ATOSA: variants seen among roughly 807,000 people sequenced by gnomAD.
ATOSA encodes atos homolog protein A.
the ATOSA span, among the ~76,000 whole-genome samples, chr15:52,664,921 G>A: frequency 1.4e-5 from 2 of 146,994 alleles, no homozygotes; most frequent in Non-Finnish European, 1.5e-5. Context: ...TTGGGCAACA[G>A]AGGAAACCCT....
chr15:52,603,128 A>G, the ATOSA span, among the ~76,000 whole-genome samples: 59 of 152,344 alleles, frequency 3.9e-4, no homozygotes, highest in Non-Finnish European at 7.1e-4. Flanking sequence ...CCTCTTAGGT[A>G]GGTCAAACAT....
chr15:52,643,750 T>C, the ATOSA span, among the ~76,000 whole-genome samples: 1 of 152,018 alleles, frequency 6.6e-6, no homozygotes, highest in Non-Finnish European at 1.5e-5. Context: ...CCGTCTCTAC[T>C]GAAAATACAA....
chr15:52,660,226 T>C, the ATOSA span, among the ~76,000 whole-genome samples: 2 of 152,174 alleles, frequency 1.3e-5, no homozygotes, highest in Non-Finnish European at 2.9e-5. Flanking sequence ...GTGACAGGTA[T>C]GAGGAAAACA....
At chr15:52,687,515 G>C in the ATOSA span, among the ~76,000 whole-genome samples, 6 of 152,232 alleles carry the variant, frequency 3.9e-5, no homozygotes, top group East Asian at 1.9e-4. Context: ...CTCTAGGAGA[G>C]GGGCCTGCTA....
the ATOSA span, chr15:52,593,794 T>A: frequency 2.0e-6 from 3 of 1,474,692 alleles, no homozygotes. Flanking sequence ...TTCATTTTTT[T>A]TCTATTTAAA....
At chr15:52,600,080 C>T in the ATOSA span, 1 of 961,794 alleles carries the variant, frequency 1.0e-6, no homozygotes, top group Middle Eastern at 2.1e-4. Flanking sequence ...ACCCTAGAAC[C>T]TAGGGTATAA....
chr15:52,589,170 C>G, the ATOSA span, among the ~76,000 whole-genome samples: 1 of 152,146 alleles, frequency 6.6e-6, no homozygotes, highest in Admixed American at 6.5e-5. Context: ...CAACCCTAAC[C>G]AAAACAGCAA....
the ATOSA span, among the ~76,000 whole-genome samples, chr15:52,621,421 A>G: frequency 6.6e-6 from 1 of 152,242 alleles, no homozygotes; most frequent in Non-Finnish European, 1.5e-5. Flanking sequence ...AATATGTAAT[A>G]AAAGCAGTCC....
chr15:52,623,422 G>T, the ATOSA span, among the ~76,000 whole-genome samples: 7 of 151,952 alleles, frequency 4.6e-5, no homozygotes, highest in East Asian at 1.3e-3. Context: ...TATAGTTTTG[G>T]GGATCGCACG....
At chr15:52,598,528 C>T in the ATOSA span, 1 of 152,270 alleles carries the variant, frequency 6.6e-6, no homozygotes, top group African/African-American at 2.4e-5. Context: ...CTAACCCCAT[C>T]TTTTATTGCA....
At chr15:52,591,652 G>A in the ATOSA span, among the ~76,000 whole-genome samples, 2 of 152,124 alleles carry the variant, frequency 1.3e-5, no homozygotes, top group African/African-American at 4.8e-5. Flanking sequence ...GGCAAAACAG[G>A]CTGTTGCTAT....
the ATOSA span, chr15:52,608,463 A>G: frequency 8.8e-7 from 1 of 1,131,828 alleles, no homozygotes; most frequent in South Asian, 1.7e-5. Flanking sequence ...TGTGTGTCCT[A>G]TAGATAATGG....
the ATOSA span, among the ~76,000 whole-genome samples, chr15:52,634,577 G>A: frequency 3.4e-5 from 5 of 148,330 alleles, no homozygotes; most frequent in African/African-American, 1.2e-4. Context: ...AACTATATAT[G>A]ACTTAAAAGA....
chr15:52,680,077 T>C, the ATOSA span, among the ~76,000 whole-genome samples: 274 of 147,828 alleles, frequency 1.9e-3, 1 homozygote, highest in East Asian at 0.027. Flanking sequence ...TCTTCATAAC[T>C]TCTAAAACAC....
At chr15:52,701,597 A>T in the ATOSA span, among the ~76,000 whole-genome samples, 1 of 152,216 alleles carries the variant, frequency 6.6e-6, no homozygotes, top group Admixed American at 6.5e-5. Flanking sequence ...CAGAAATCTA[A>T]ATGTGAAAAG....
the ATOSA span, chr15:52,609,836 T>G: frequency 6.2e-7 from 1 of 1,613,932 alleles, no homozygotes; most frequent in Non-Finnish European, 8.5e-7. Flanking sequence ...ATTAAAGGGT[T>G]AGTCTCACCA....
the ATOSA span, among the ~76,000 whole-genome samples, chr15:52,698,860 T>C: frequency 8.9e-4 from 136 of 152,340 alleles, 1 homozygote; most frequent in African/African-American, 3.2e-3. Flanking sequence ...ATTTTAGTAT[T>C]TGTATGTTGT....
chr15:52,641,600 C>T, the ATOSA span, among the ~76,000 whole-genome samples: 1 of 152,222 alleles, frequency 6.6e-6, no homozygotes, highest in East Asian at 1.9e-4. Flanking sequence ...GTCATTCAGC[C>T]AGTTGAAGGA....
chr15:52,597,827 A>G, the ATOSA span, among the ~76,000 whole-genome samples: 1 of 152,198 alleles, frequency 6.6e-6, no homozygotes, highest in Non-Finnish European at 1.5e-5. Context: ...GGCCACATGT[A>G]AAATATACTA....
Sources: allele counts gnomAD v4.1 joint callset (sites outside exome capture counted in the v4.1 genomes callset), GRCh38; gene constraint gnomAD v4.1.1; transcripts MANE v1.5; gene names NCBI Gene and HGNC (gene_info 2026-07-23, HGNC 2026-07-21).